The following DPP6 variants were observed in gnomAD, a reference collection of about 807,000 sequenced individuals.
DPP6 encodes the protein dipeptidyl peptidase like 6, also known as A-type potassium channel modulatory protein DPP6.
Under a neutral mutation model 122.6 loss-of-function variants are expected in DPP6, and 69 were observed. The ratio of observed to expected loss-of-function variants is 0.56; its 90% CI spans 0.46 to 0.69. The LOEUF (loss-of-function observed/expected upper bound fraction) is 0.69. Ranked by LOEUF, DPP6 falls within the 30% of genes least tolerant of loss-of-function variation. The probability of loss-of-function intolerance (pLI) is 0.00; values close to 1 mark genes in which losing one functional copy is unlikely to be tolerated. For synonymous variants in DPP6, 418 were observed against 433.1 expected, an observed-to-expected ratio of 0.97 and a Z score of 0.43; for missense variants, 928 against 1,116.9, an observed-to-expected ratio of 0.83 and a Z score of 2.41.
chr7:153,947,857 C>T (rs1199248869), intron 1 of DPP6, among the ~76,000 whole-genome samples: 1 of 152,096 alleles, frequency 6.6e-6, no homozygotes, highest in Non-Finnish European at 1.5e-5. Context: ...TCTGGGGAGG[C>T]GGGGAAGTCG....
chr7:154,304,866 C>T (rs1208207286), intron 1 of DPP6, among the ~76,000 whole-genome samples: 1 of 152,224 alleles, frequency 6.6e-6, no homozygotes, highest in East Asian at 1.9e-4. Context: ...CCACCTCTGC[C>T]CCCTGTCCAG....
At chr7:153,871,833 A>G in the DPP6 span, among the ~76,000 whole-genome samples, 1 of 152,148 alleles carries the variant, frequency 6.6e-6, no homozygotes, top group Non-Finnish European at 1.5e-5. Flanking sequence ...TTAGAGAGTC[A>G]TTATTCCATG....
chr7:154,159,045 C>T (rs746904422), intron 1 of DPP6, among the ~76,000 whole-genome samples: 1 of 152,126 alleles, frequency 6.6e-6, no homozygotes, highest in East Asian at 1.9e-4. Context: ...CCTCCCATCT[C>T]GTGTGTTACT....
At chr7:154,209,556 CA>C (rs1563320704) in intron 1 of DPP6, among the ~76,000 whole-genome samples, 2 of 33,068 alleles carry the variant, frequency 6.0e-5, no homozygotes, top group Non-Finnish European at 3.0e-4. Context: ...AAAAAAAAAA[CA>C]AAAAACCTTT....
At chr7:153,836,488 A>G in the DPP6 span, among the ~76,000 whole-genome samples, 1 of 152,214 alleles carries the variant, frequency 6.6e-6, no homozygotes, top group African/African-American at 2.4e-5. Flanking sequence ...GCCTCCATAA[A>G]GGACATTATA....
intron 1 of DPP6, among the ~76,000 whole-genome samples, chr7:154,231,160 A>G (rs1800896318): frequency 6.6e-6 from 1 of 152,170 alleles, no homozygotes; most frequent in Non-Finnish European, 1.5e-5. Flanking sequence ...GGTCCTCTTT[A>G]CTCAAGATCT....
At chr7:154,496,169 T>G (rs566988635) in intron 3 of DPP6, among the ~76,000 whole-genome samples, 6 of 152,198 alleles carry the variant, frequency 3.9e-5, no homozygotes, top group Non-Finnish European at 5.9e-5. Flanking sequence ...TAAGATCTTT[T>G]TTTTTCCTCT....
rs547129300 is a variant in DPP6, at chr7:154,539,240, AGTTTGCCT to A, written c.458-1289_458-1282del. ...CCTGCAACCCTACATTTCAGAAAGTAGTTTGCCTGTATGAAATTTTCTTACTCTCTTCT... is the reference window on the plus strand; with the variant it reads ...CCTGCAACCCTACATTTCAGAAAGTAGTATGAAATTTTCTTACTCTCTTCT... On this transcript the variant is annotated intron_variant, in intron 3 of 25. Transcript: ENST00000377770. 4.9e-4 allele frequency among the ~76,000 whole-genome samples: 75 copies of A among 152,284 alleles called. 1 individual carries two copies. The highest frequency in any genetic ancestry group is 1.7e-3 in the African/African-American group (72 of 41,558).
At chr7:154,309,762 G>A (rs1314481319) in intron 1 of DPP6, among the ~76,000 whole-genome samples, 1 of 152,214 alleles carries the variant, frequency 6.6e-6, no homozygotes, top group African/African-American at 2.4e-5. Flanking sequence ...TTCAATATTA[G>A]GAAGTGCACA....
chr7:153,748,546 C>G, the DPP6 span, among the ~76,000 whole-genome samples: 2 of 59,872 alleles, frequency 3.3e-5, no homozygotes, highest in African/African-American at 1.3e-4. Flanking sequence ...GTTTCCCCAC[C>G]CCTTGCGCAG....
intron 1 of DPP6, among the ~76,000 whole-genome samples, chr7:154,254,013 G>A (rs891635425): frequency 3.9e-5 from 6 of 152,166 alleles, no homozygotes; most frequent in East Asian, 3.9e-4. Context: ...TCACAAGAAC[G>A]GCAAGAAGGA....
At chr7:154,867,928 A>G in intron 17 of DPP6, 67 bp from the exon 18 acceptor site, 1 of 1,493,816 alleles carries the variant, frequency 6.7e-7, no homozygotes, top group Non-Finnish European at 8.9e-7. Context: ...ATGAAAAGCC[A>G]TGGCCCGCAG....
intron 1 of DPP6, among the ~76,000 whole-genome samples, chr7:154,188,465 T>C (rs1389679054): frequency 6.6e-6 from 1 of 152,092 alleles, no homozygotes; most frequent in Non-Finnish European, 1.5e-5. Flanking sequence ...AATTACAATC[T>C]AGTGGGGGTG....
At chr7:154,074,051 CTATA>C (rs1803340978) in intron 1 of DPP6, among the ~76,000 whole-genome samples, 2 of 149,806 alleles carry the variant, frequency 1.3e-5, no homozygotes, top group Admixed American at 6.7e-5. Context: ...AAGTATCTAT[CTATA>C]TATCTCCATA....
In DPP6 at chr7:154,589,890, A is replaced by C. The variant is rs1437105798; in HGVS notation, c.627+22974A>C. 2.0e-5 allele frequency among the ~76,000 whole-genome samples: 3 copies of C among 152,232 alleles called. No individual in the cohort carries two copies. In the East Asian group the frequency reaches 5.8e-4, roughly 29 times the overall value. On this transcript the variant is annotated intron_variant, in intron 5 of 25. Coordinates refer to ENST00000377770, the MANE Select transcript of DPP6 (RefSeq NM_130797.4). ...TTCATTCACCTCATTAGATATCTGA[A>C]GTAATGACGGAAGTAATCGATTGAG...
In DPP6 at chr7:154,680,014, C is replaced by T. The variant is rs575656356; in HGVS notation, c.762+10573C>T. On this transcript the variant is annotated intron_variant, in intron 7 of 25. Coordinates refer to ENST00000377770, the MANE Select transcript of DPP6 (RefSeq NM_130797.4). Reference sequence around the variant, plus strand: ...GGTAATTAATAGGAATGGATGGGGTCGTATGACAGAGATACCTGATGGTCA... The same window carrying T: ...GGTAATTAATAGGAATGGATGGGGTTGTATGACAGAGATACCTGATGGTCA... Among the ~76,000 whole-genome samples, 20 of 152,074 alleles carry T rather than the reference C, an allele frequency of 1.3e-4. No individual in the cohort carries two copies. The South Asian group carries it at 2.9e-3, about 22-fold the overall frequency.
chr7:154,780,081 G>T (rs1007953675), intron 10 of DPP6, among the ~76,000 whole-genome samples: 2 of 152,152 alleles, frequency 1.3e-5, no homozygotes, highest in African/African-American at 4.8e-5. Flanking sequence ...AAGGAGATTG[G>T]CTCCAGCAGA....
intron 1 of DPP6, among the ~76,000 whole-genome samples, chr7:154,172,376 C>T (rs1194495980): frequency 5.9e-5 from 9 of 152,266 alleles, no homozygotes; most frequent in East Asian, 3.9e-4. Flanking sequence ...CAGCCTGCCC[C>T]GCCTCCTGTG....
chr7:154,195,944 G>A (rs557723995), intron 1 of DPP6, among the ~76,000 whole-genome samples: 6 of 152,054 alleles, frequency 3.9e-5, no homozygotes, highest in South Asian at 4.2e-4. Flanking sequence ...TCCCTTTTTC[G>A]GTTTGGCAAA....
Sources: allele counts gnomAD v4.1 joint callset (sites outside exome capture counted in the v4.1 genomes callset), GRCh38; gene constraint gnomAD v4.1.1; transcripts MANE v1.5; gene names NCBI Gene and HGNC (gene_info 2026-07-23, HGNC 2026-07-21).